Variants in NRXN3 observed in about 807,000 individuals in gnomAD.
NRXN3 encodes the protein neurexin III.
NRXN3 carries 32 observed loss-of-function variants against 137.6 expected under a neutral mutation model. The observed-to-expected ratio is 0.23, with a 90% CI of 0.18 to 0.31. The LOEUF (loss-of-function observed/expected upper bound fraction) is 0.31, where lower values mean the gene tolerates loss of function less well. Among genes scored for constraint, NRXN3 ranks in the 10% least tolerant of loss-of-function variants. The pLI, the probability that NRXN3 is intolerant of heterozygous loss-of-function variation, is 1.00. For missense variants in NRXN3, 1,574 were observed against 2,062.5 expected (o/e 0.76, Z 4.59); for synonymous variants, 798 against 784.5 (o/e 1.02, Z -0.29).
At chr14:78,496,175 A>G (rs2095781151) in intron 4 of NRXN3, among the ~76,000 whole-genome samples, 1 of 152,214 alleles carries the variant, frequency 6.6e-6, no homozygotes. Context: ...TGTAGGCAGA[A>G]TGCCAGAACG....
chr14:79,118,309 C>T (rs1398001723), intron 15 of NRXN3, among the ~76,000 whole-genome samples: 1 of 152,174 alleles, frequency 6.6e-6, no homozygotes, highest in East Asian at 1.9e-4. Flanking sequence ...TCAAATATTT[C>T]TGGATTTCCA....
intron 16 of NRXN3, among the ~76,000 whole-genome samples, chr14:79,590,210 G>C (rs535872683): frequency 6.6e-6 from 1 of 152,030 alleles, no homozygotes; most frequent in Non-Finnish European, 1.5e-5. Flanking sequence ...TATGTGGGCA[G>C]GTCTTTCCCA....
chr14:79,717,150 G>T (rs1208603727), intron 19 of NRXN3, among the ~76,000 whole-genome samples: 3 of 152,140 alleles, frequency 2.0e-5, no homozygotes, highest in African/African-American at 4.8e-5. Context: ...TCTTTTCTTC[G>T]TGATGCGACT....
intron 15 of NRXN3, among the ~76,000 whole-genome samples, chr14:79,075,931 G>A (rs1462893643): frequency 6.6e-6 from 1 of 152,198 alleles, no homozygotes; most frequent in Non-Finnish European, 1.5e-5. Flanking sequence ...AGCCATAGCA[G>A]TGTTAGCTAA....
At chr14:78,512,403 G>A (rs983748951) in intron 4 of NRXN3, among the ~76,000 whole-genome samples, 1 of 152,166 alleles carries the variant, frequency 6.6e-6, no homozygotes. Flanking sequence ...CAATCTGAAA[G>A]TTTATATGAG....
intron 19 of NRXN3, among the ~76,000 whole-genome samples, chr14:79,802,733 C>T (rs1251968486): frequency 6.6e-6 from 1 of 152,170 alleles, no homozygotes; most frequent in East Asian, 1.9e-4. Flanking sequence ...TATTATAGGG[C>T]CCCCTCTCAG....
At chr14:78,585,910 G>A (rs1306000796) in intron 4 of NRXN3, among the ~76,000 whole-genome samples, 1 of 152,170 alleles carries the variant, frequency 6.6e-6, no homozygotes, top group Non-Finnish European at 1.5e-5. Context: ...TTATGGATTT[G>A]AGAATCATTA....
chr14:78,927,126 G>A (rs1484243256), intron 10 of NRXN3, among the ~76,000 whole-genome samples: 2 of 125,972 alleles, frequency 1.6e-5, no homozygotes, highest in Admixed American at 9.5e-5. Flanking sequence ...CTGCACTCCG[G>A]CCTAAGTGTT....
At chr14:78,421,816 G>A (rs928368233) in intron 4 of NRXN3, among the ~76,000 whole-genome samples, 5 of 152,024 alleles carry the variant, frequency 3.3e-5, no homozygotes, top group African/African-American at 7.2e-5. Flanking sequence ...GAGCCACCAC[G>A]CCTGGCCTGA....
chr14:79,852,234 A>AACACACACACAC (rs45581833), intron 20 of NRXN3, among the ~76,000 whole-genome samples: 4,010 of 128,194 alleles, frequency 0.031, 122 homozygotes, highest in Non-Finnish European at 0.039. Context: ...TTCAACTCCC[A>AACACACACACAC]ACACACACAC....
intron 15 of NRXN3, among the ~76,000 whole-genome samples, chr14:79,364,045 A>T (rs770503861): frequency 6.6e-6 from 1 of 152,112 alleles, no homozygotes; most frequent in Non-Finnish European, 1.5e-5. Flanking sequence ...CTAGTGATGG[A>T]TGTCTCTGTG....
At chr14:78,755,460 A>T (rs934120829) in intron 8 of NRXN3, among the ~76,000 whole-genome samples, 6 of 152,084 alleles carry the variant, frequency 3.9e-5, no homozygotes, top group African/African-American at 1.4e-4. Context: ...TCCAATTAAT[A>T]GTTGTTTAGT....
At chr14:78,524,884 G>A (rs1188494956) in intron 4 of NRXN3, among the ~76,000 whole-genome samples, 1 of 152,144 alleles carries the variant, frequency 6.6e-6, no homozygotes. Flanking sequence ...AAAGGACAGA[G>A]GGAAGCCTGA....
At chr14:79,583,633 C>T (rs1283664378) in intron 16 of NRXN3, among the ~76,000 whole-genome samples, 1 of 152,108 alleles carries the variant, frequency 6.6e-6, no homozygotes. Context: ...TATACTCAAG[C>T]CACTCCAGAA....
intron 4 of NRXN3, among the ~76,000 whole-genome samples, chr14:78,397,363 G>A (rs2091571365): frequency 6.6e-6 from 1 of 151,790 alleles, no homozygotes; most frequent in Non-Finnish European, 1.5e-5. Flanking sequence ...CTCTTTTCTT[G>A]CTGCTGTTTA....
intron 15 of NRXN3, among the ~76,000 whole-genome samples, chr14:79,015,054 G>A (rs535486955): frequency 7.1e-4 from 108 of 152,132 alleles, no homozygotes; most frequent in African/African-American, 2.3e-3. Flanking sequence ...CTCAGAGTGC[G>A]CCTGTCTTCG....
chr14:79,580,991 T>C (rs1313562835), intron 16 of NRXN3, among the ~76,000 whole-genome samples: 2 of 152,146 alleles, frequency 1.3e-5, no homozygotes. Flanking sequence ...CATCCAACTG[T>C]AATGTGATCA....
chr14:79,280,255 T>C (rs748078424), intron 15 of NRXN3: 48 of 1,611,238 alleles, frequency 3.0e-5, no homozygotes, highest in Non-Finnish European at 3.9e-5. Flanking sequence ...TGGCTGGAAT[T>C]CAAACTGCCC....
intron 4 of NRXN3, among the ~76,000 whole-genome samples, chr14:78,494,454 C>A (rs1161510038): frequency 8.9e-6 from 1 of 112,976 alleles, no homozygotes; most frequent in East Asian, 2.7e-4. Flanking sequence ...TTTCCTTTTT[C>A]AAACTTGATA....
Sources: gnomAD v4.1 joint callset for allele counts (sites outside exome capture counted in the v4.1 genomes callset) on GRCh38, gnomAD v4.1.1 for gene constraint, MANE v1.5 for transcripts, NCBI Gene and HGNC (gene_info 2026-07-23, HGNC 2026-07-21) for gene names.